The following HTR1E variants were observed in gnomAD, a reference collection of about 807,000 sequenced individuals.
HTR1E encodes the protein 5-HT-1E.
In HTR1E, 3 loss-of-function variants were observed where a neutral mutation model predicts 3.4. That is an observed-to-expected ratio of 0.89 (90% CI 0.41 to 2.31). HTR1E has a LOEUF of 2.31. HTR1E is among the 30% of genes most tolerant of loss of function. The probability of loss-of-function intolerance (pLI) is 0.05; values close to 1 mark genes in which losing one functional copy is unlikely to be tolerated. For synonymous variants in HTR1E, 170 were observed against 182.8 expected (o/e 0.93, Z 0.56); for missense variants, 392 against 467.0 (o/e 0.84, Z 1.48).
rs184932278 is a variant in HTR1E, at chr6:86,947,640, T to C, written c.-186+9817T>C. On this transcript the variant is annotated intron_variant, in intron 1 of 1. Transcript: ENST00000305344. ...TCTCTATAGGGAGAAAAGAGTGGTT[T>C]CTTTTTCAATGAAATCAGGAGTATG... 3.2e-4 allele frequency among the ~76,000 whole-genome samples: 49 copies of C among 152,290 alleles called. No individual in the cohort carries two copies. In the East Asian group the frequency reaches 8.9e-3, roughly 28 times the overall value.
chr6:87,009,869 T>C (rs1375680489), intron 1 of HTR1E, among the ~76,000 whole-genome samples: 1 of 106,398 alleles, frequency 9.4e-6, no homozygotes, highest in Admixed American at 8.9e-5. Flanking sequence ...ACGGGGCGGC[T>C]GGCCGGGCGG....
chr6:87,013,292 A>T (rs1471741691), intron 1 of HTR1E, among the ~76,000 whole-genome samples: 1 of 152,266 alleles, frequency 6.6e-6, no homozygotes, highest in Non-Finnish European at 1.5e-5. Flanking sequence ...GTATCCCTGG[A>T]AATGAGGAGC....
chr6:86,976,365 C>T (rs1453680158), intron 1 of HTR1E, among the ~76,000 whole-genome samples: 1 of 152,092 alleles, frequency 6.6e-6, no homozygotes, highest in African/African-American at 2.4e-5. Context: ...TATTATCAGC[C>T]CCAAAGCAGT....
At chr6:86,948,164 G>A (rs1186117601) in intron 1 of HTR1E, among the ~76,000 whole-genome samples, 2 of 152,136 alleles carry the variant, frequency 1.3e-5, no homozygotes, top group East Asian at 1.9e-4. Flanking sequence ...TTAGTTTGCC[G>A]AGAATGATGG....
intron 1 of HTR1E, among the ~76,000 whole-genome samples, chr6:87,004,894 A>G (rs148132176): frequency 7.1e-4 from 108 of 152,270 alleles, no homozygotes; most frequent in African/African-American, 2.6e-3. Context: ...CAATCAAGTC[A>G]AGGATACAAA....
At chr6:86,997,535 A>G (rs916999492) in intron 1 of HTR1E, among the ~76,000 whole-genome samples, 4 of 151,888 alleles carry the variant, frequency 2.6e-5, no homozygotes, top group Non-Finnish European at 5.9e-5. Flanking sequence ...AGATATTTTT[A>G]TATCCTAAAA....
At chr6:86,992,811 T>C (rs1344498726) in intron 1 of HTR1E, among the ~76,000 whole-genome samples, 1 of 152,206 alleles carries the variant, frequency 6.6e-6, no homozygotes, top group Non-Finnish European at 1.5e-5. Context: ...ATTAAGTAAC[T>C]TACCCAAGGA....
intron 1 of HTR1E, among the ~76,000 whole-genome samples, chr6:86,951,226 T>C (rs1298513260): frequency 6.6e-6 from 1 of 152,186 alleles, no homozygotes; most frequent in African/African-American, 2.4e-5. Context: ...TCCTAACTGT[T>C]TTGGCGGGAT....
chr6:87,008,397 A>T (rs911438811), intron 1 of HTR1E, among the ~76,000 whole-genome samples: 19 of 151,826 alleles, frequency 1.3e-4, no homozygotes, highest in South Asian at 2.1e-4. Context: ...CTGAAATAAT[A>T]AAAAAAAGAA....
chr6:87,004,745 C>T (rs1768077421), intron 1 of HTR1E, among the ~76,000 whole-genome samples: 1 of 151,964 alleles, frequency 6.6e-6, no homozygotes, highest in Non-Finnish European at 1.5e-5. Context: ...CTAGCTAGAG[C>T]AATCAGACAA....
chr6:86,938,763 G>A, intron 1 of HTR1E, among the ~76,000 whole-genome samples: 1 of 152,160 alleles, frequency 6.6e-6, no homozygotes, highest in Non-Finnish European at 1.5e-5. Flanking sequence ...CGTCAAATGG[G>A]TTGGGGGAGC....
intron 1 of HTR1E, among the ~76,000 whole-genome samples, chr6:87,003,311 G>A (rs1348098602): frequency 6.6e-6 from 1 of 152,314 alleles, no homozygotes. Flanking sequence ...GCCAAGGCTG[G>A]TGGATCACCT....
At chr6:86,949,710 TAA>T (rs2127817394) in intron 1 of HTR1E, among the ~76,000 whole-genome samples, 1 of 152,168 alleles carries the variant, frequency 6.6e-6, no homozygotes, top group South Asian at 2.1e-4. Flanking sequence ...TTTATTATAA[TAA>T]GTTTAATTAC....
chr6:86,994,182 C>T (rs1240667096), intron 1 of HTR1E, among the ~76,000 whole-genome samples: 2 of 152,008 alleles, frequency 1.3e-5, no homozygotes, highest in Non-Finnish European at 2.9e-5. Context: ...AGTGGAGTCT[C>T]ATAAGGGAGA....
chr6:86,960,139 A>G (rs1304255555), intron 1 of HTR1E, among the ~76,000 whole-genome samples: 2 of 152,234 alleles, frequency 1.3e-5, no homozygotes, highest in African/African-American at 4.8e-5. Context: ...TATAAAGAAT[A>G]GAAATGTATG....
Position 87,015,857 on chromosome 6 carries a change from A to G in HTR1E, c.523A>G (p.Ile175Val). The G allele has an allele frequency of 1.1e-5, 18 of 1,612,618 alleles. No individual in the cohort carries two copies. Among genetic ancestry groups the G allele is most frequent in the Non-Finnish European group, 1.4e-5 (17 of 1,179,474 alleles). ...RLSPPPSQCT[I>V]QHDHVIYTIY... is the part of the protein sequence containing the mutation. ...AAGCCCTCCCCCTAGTCAGTGCACC[A>G]TCCAGCACGACCATGTTATCTACAC... The change falls in exon 2 of 2, where the codon ATC becomes GTC. Residue 175 changes from isoleucine (I) to valine (V), a missense_variant. By Grantham distance (29) the Ile-to-Val change is conservative (BLOSUM62 3). Around this residue, in one of 3 missense-constraint regions of HTR1E, gnomAD observed 189 missense variants for 258.0 expected, o/e 0.73. Transcript: ENST00000305344.
chr6:86,970,894 G>T, intron 1 of HTR1E: 1 of 282,372 alleles, frequency 3.5e-6, no homozygotes, highest in Middle Eastern at 1.2e-3. Flanking sequence ...ACCCAAACCT[G>T]AAGTCAGTAA....
In HTR1E at chr6:87,015,864, A is replaced by G; in HGVS notation, c.530A>G (p.His177Arg). 6.2e-7 allele frequency: 1 copy of G among 1,613,060 alleles called. No individual in the cohort carries two copies. Among genetic ancestry groups the G allele is most frequent in the South Asian group, 1.1e-5 (1 of 90,938 alleles). The change falls in exon 2 of 2, where the codon CAC becomes CGC. Residue 177 changes from histidine (H) to arginine (R), a missense_variant. This residue lies in a region of HTR1E where 189 missense variants were observed against 258.0 expected (regional missense o/e 0.73). Transcript: ENST00000305344. The stretch of plus-strand genomic sequence containing the variant: ...CCCCCTAGTCAGTGCACCATCCAGC[A>G]CGACCATGTTATCTACACCATTTAC... Reference protein sequence around the residue: ...SPPPSQCTIQHDHVIYTIYST... With the variant: ...SPPPSQCTIQRDHVIYTIYST...
intron 1 of HTR1E, among the ~76,000 whole-genome samples, chr6:86,962,664 C>A (rs1485644735): frequency 6.6e-6 from 1 of 152,044 alleles, no homozygotes; most frequent in African/African-American, 2.4e-5. Flanking sequence ...ATGGTGAAAT[C>A]CTGTCCCTAC....
Sources: gnomAD v4.1 joint callset for allele counts (sites outside exome capture counted in the v4.1 genomes callset) on GRCh38, gnomAD v4.1.1 for gene constraint, gnomAD v4.1.1 regional missense constraint, MANE v1.5 for transcripts, NCBI Gene and HGNC (gene_info 2026-07-23, HGNC 2026-07-21) for gene names.